HTT: variants seen among roughly 807,000 people sequenced by gnomAD.
HTT encodes huntingtin, also known as huntington disease protein.
Under a neutral mutation model 362.3 loss-of-function variants are expected in HTT, and 104 were observed. The observed-to-expected ratio is 0.29, with a 90% CI of 0.24 to 0.34. The LOEUF is 0.34. HTT is among the 10% of genes least tolerant of loss of function. The pLI, the probability that HTT is intolerant of heterozygous loss-of-function variation, is 1.00. For synonymous variants in HTT, 1,577 were observed against 1,548.7 expected (o/e 1.02, Z -0.43); for missense variants, 3,301 against 3,928.6 (o/e 0.84, Z 4.27).
chr4:3,165,669 A>G (rs1717665838), intron 29 of HTT, among the ~76,000 whole-genome samples: 1 of 151,760 alleles, frequency 6.6e-6, no homozygotes, highest in Non-Finnish European at 1.5e-5. Context: ...TTTGATCTTC[A>G]ATCACTGATA....
chr4:3,181,032 A>G (rs1480949368), intron 36 of HTT, among the ~76,000 whole-genome samples: 1 of 151,746 alleles, frequency 6.6e-6, no homozygotes, highest in Non-Finnish European at 1.5e-5. Flanking sequence ...ATGCACCACC[A>G]TGCCCAGCAA....
At position 3,191,176 on chromosome 4, in the gene HTT, TTTC is replaced by T. The variant is rs1314513034; in HGVS notation, c.5368+2086_5368+2088del. 1.1e-4 allele frequency among the ~76,000 whole-genome samples: 16 copies of T among 150,756 alleles called. No individual in the cohort carries two copies. In the South Asian group the frequency reaches 2.5e-3, roughly 24 times the overall value. ...TGAGCTTTCTTTCTTTCTTTCTTTC[TTTC>T]TTTTTTTTTTTGAGACAGAGTTTCA... On this transcript the variant is annotated intron_variant, in intron 40 of 66. Transcript: ENST00000355072.
At chr4:3,101,011 G>A (rs1396241001) in intron 3 of HTT, among the ~76,000 whole-genome samples, 1 of 152,210 alleles carries the variant, frequency 6.6e-6, no homozygotes, top group African/African-American at 2.4e-5. Context: ...TCACAGGTGT[G>A]AGCCACTGTG....
rs190850312 is a variant in HTT at position 3,223,432 on chromosome 4, C to T, written c.7497C>T (p.Asn2499=). The T allele has an allele frequency of 6.6e-4, 1,063 of 1,603,168 alleles. 3 individuals are homozygous for T. The highest frequency in any genetic ancestry group is 4.8e-4 in the Non-Finnish European group (564 of 1,174,604). Residue 2499 remains asparagine (N), a synonymous_variant, in exon 55 of 67, where the codon AAC becomes AAT. Transcript: ENST00000355072. ...PEEDTERTQI[N]VLAVQAITSL... is the part of the protein sequence containing the mutation. ...AAGACACAGAGAGGACCCAGATCAA[C>T]GTCCTGGCCGTGCAGGCCATCACCT...
chr4:3,238,386 C>T (rs569675414), intron 64 of HTT, 61 bp from the exon 65 acceptor site: 22 of 1,337,572 alleles, frequency 1.6e-5, no homozygotes, highest in African/African-American at 8.8e-5. Flanking sequence ...AGGCCCTCCG[C>T]GGGCAGGTGG....
intron 1 of HTT, 53 bp downstream of exon 1, chr4:3,075,141 G>T (rs1235221564): frequency 4.9e-5 from 59 of 1,203,398 alleles, no homozygotes; most frequent in Middle Eastern, 6.5e-4. Flanking sequence ...AGGCTACGGC[G>T]GGGATGGCGG....
intron 3 of HTT, among the ~76,000 whole-genome samples, chr4:3,101,793 G>A (rs761997064): frequency 1.3e-5 from 2 of 152,188 alleles, no homozygotes; most frequent in South Asian, 2.1e-4. Flanking sequence ...TAAAGTCTCC[G>A]TTCTGTGAGG....
In HTT at chr4:3,240,243, G is replaced by T. The variant is rs1416038538; in HGVS notation, c.*184G>T. 42 of 615,102 alleles carry T rather than the reference G, an allele frequency of 6.8e-5. No homozygotes were observed. Among genetic ancestry groups the T allele is most frequent in the South Asian group, 4.7e-4 (24 of 51,310 alleles). 38.1% of individuals were successfully genotyped at this position (615,102 alleles called of 1,614,324 possible). A position where few individuals can be genotyped will look rare whatever the true frequency, so the allele number is the denominator to read the frequency against. On this transcript the variant is annotated 3_prime_UTR_variant, in exon 67 of 67. Transcript: ENST00000355072. The stretch of plus-strand genomic sequence containing the variant: ...AAGTGCTCTTTGTGGCAGTGGCCAG[G>T]CAGGGAGTGTCTGCAGTCCTGGTGG...
At chr4:3,148,249 A>G in intron 26 of HTT, 42 bp downstream of exon 26, 1 of 1,400,756 alleles carries the variant, frequency 7.1e-7, no homozygotes, top group Non-Finnish European at 9.7e-7. Context: ...AGCCTTAATG[A>G]CTATGGGTTT....
intron 29 of HTT, among the ~76,000 whole-genome samples, chr4:3,166,748 G>A (rs571317753): frequency 2.0e-5 from 3 of 152,384 alleles, no homozygotes; most frequent in South Asian, 4.1e-4. Context: ...GCTGAGCCAG[G>A]CACAGGAGAG....
intron 40 of HTT, among the ~76,000 whole-genome samples, chr4:3,194,262 C>T (rs143724046): frequency 7.8e-4 from 118 of 152,218 alleles, no homozygotes; most frequent in Middle Eastern, 3.4e-3. Flanking sequence ...TTTTTGTTTC[C>T]TGCTTTTCCT....
intron 29 of HTT, among the ~76,000 whole-genome samples, chr4:3,164,797 T>G (rs2110222888): frequency 6.6e-6 from 1 of 152,342 alleles, no homozygotes; most frequent in African/African-American, 2.4e-5. Context: ...CATCCCTTTA[T>G]TTTGAGCCAA....
chr4:3,122,993 C>T, intron 10 of HTT, 57 bp downstream of exon 10: 1 of 1,370,694 alleles, frequency 7.3e-7, no homozygotes. Context: ...TCTTGTATTT[C>T]TGTAATGTAA....
intron 6 of HTT, among the ~76,000 whole-genome samples, chr4:3,112,528 G>A (rs571552541): frequency 6.6e-6 from 1 of 152,176 alleles, no homozygotes; most frequent in African/African-American, 2.4e-5. Context: ...TGTTCTTTTT[G>A]TCTGGTTTAT....
At chr4:3,083,142 C>T (rs753292809) in intron 1 of HTT, among the ~76,000 whole-genome samples, 10 of 152,054 alleles carry the variant, frequency 6.6e-5, no homozygotes, top group Non-Finnish European at 1.5e-4. Flanking sequence ...GATGAGGCTG[C>T]GAGAGATGAG....
intron 29 of HTT, among the ~76,000 whole-genome samples, chr4:3,169,539 G>A (rs562127280): frequency 6.6e-6 from 1 of 150,444 alleles, no homozygotes; most frequent in South Asian, 2.1e-4. Flanking sequence ...CTACTCTGTT[G>A]TTAATCTGTT....
Position 3,087,011 on chromosome 4 carries a change from A to G in HTT, c.336A>G (p.Ala112=), listed in dbSNP as rs1237167520. 4.4e-6 allele frequency: 7 copies of G among 1,591,640 alleles called. No individual in the cohort carries two copies. The highest frequency in any genetic ancestry group is 1.3e-5 in the African/African-American group (1 of 74,492). ...HCLTICENIV[A]QSVRNSPEFQ... ...TGACAATATGTGAAAACATAGTGGC[A>G]CAGTCTGTCAGGTAATTGCACTTTG... Residue 112 remains alanine (A), a synonymous_variant, in exon 2 of 67, where the codon GCA becomes GCG. Coordinates refer to ENST00000355072, the MANE Select transcript of HTT (RefSeq NM_001388492.1).
At chr4:3,122,121 C>G (rs887007630) in intron 9 of HTT, among the ~76,000 whole-genome samples, 1 of 152,184 alleles carries the variant, frequency 6.6e-6, no homozygotes, top group Admixed American at 6.5e-5. Context: ...ATCCGTCTGT[C>G]CCCAGCTCTG....
chr4:3,235,312 G>T lies in HTT; in HGVS notation c.8485G>T (p.Val2829Leu), dbSNP rs561465219. 1 of 1,613,828 alleles carries T rather than the reference G, an allele frequency of 6.2e-7. No individual in the cohort carries two copies. Among genetic ancestry groups the T allele is most frequent in the Non-Finnish European group, 8.5e-7 (1 of 1,179,732 alleles). The stretch of plus-strand genomic sequence containing the variant: ...CGTGAACATTCACAGCCAGCAGCAC[G>T]TACTGGTCATGTGTGCCACTGCGTT... ...HCVNIHSQQH[V>L]LVMCATAFYL... is the part of the protein sequence containing the mutation. The change falls in exon 62 of 67, where the codon GTA (valine) becomes TTA (leucine). Residue 2829 changes from valine (V) to leucine (L), a missense_variant. This residue lies in a region of HTT where 753 missense variants were observed against 1,021.3 expected (regional missense o/e 0.74). Transcript: ENST00000355072.
Sources: gnomAD v4.1 joint callset for allele counts (sites outside exome capture counted in the v4.1 genomes callset) on GRCh38, gnomAD v4.1.1 for gene constraint, gnomAD v4.1.1 regional missense constraint, MANE v1.5 for transcripts, NCBI Gene and HGNC (gene_info 2026-07-23, HGNC 2026-07-21) for gene names.